Variants in PPM1F observed in about 807,000 individuals in gnomAD.
The protein encoded by PPM1F is protein phosphatase, Mg2+/Mn2+ dependent 1F, also known as protein phosphatase 1F.
In PPM1F, 17 loss-of-function variants were observed where a neutral mutation model predicts 35.5. The ratio of observed to expected loss-of-function variants is 0.48; its 90% CI spans 0.33 to 0.72. The LOEUF is 0.72. PPM1F is among the 30% of genes least tolerant of loss of function. The pLI is 0.02. For missense variants in PPM1F, 521 were observed against 613.0 expected (o/e 0.85, Z 1.59); for synonymous variants, 241 against 255.5 (o/e 0.94, Z 0.54).
intron 2 of PPM1F, chr22:21,943,798 C>A (rs1194149546): frequency 1.3e-5 from 2 of 152,330 alleles, no homozygotes; most frequent in Non-Finnish European, 2.9e-5. Flanking sequence ...GTCTTCAGCA[C>A]CTGTGCCCCA....
chr22:21,942,264 C>A, intron 2 of PPM1F: 1 of 151,204 alleles, frequency 6.6e-6, no homozygotes, highest in Non-Finnish European at 1.5e-5. Flanking sequence ...GGGATGGATT[C>A]CTGATTTTTT....
chr22:21,925,627 A>C lies in PPM1F; in HGVS notation c.927T>G (p.Phe309Leu). 6.2e-7 allele frequency: 1 copy of C among 1,604,680 alleles called. No individual in the cohort carries two copies. Among genetic ancestry groups the C allele is most frequent in the Non-Finnish European group, 8.5e-7 (1 of 1,173,366 alleles). The change falls in exon 7 of 8, where the codon TTT becomes TTG. Residue 309 changes from phenylalanine (F) to leucine (L), a missense_variant. Transcript: ENST00000263212. Reference protein sequence around the residue: ...EKARIEALGGFVSHMDCWRVN... With the variant: ...EKARIEALGGLVSHMDCWRVN... ...CTCTCCAGCAGTCCATGTGAGACAC[A>C]AAGCCACCCAATGCTTCAATGCGCG...
chr22:21,934,425 G>T, intron 3 of PPM1F, 199 bp from the exon 4 acceptor site: 1 of 566,410 alleles, frequency 1.8e-6, no homozygotes, highest in South Asian at 2.2e-5. Flanking sequence ...CTTGCCCCTT[G>T]AAGTCTCCCA....
intron 4 of PPM1F, 148 bp from the exon 5 acceptor site, chr22:21,933,727 A>G: frequency 1.3e-6 from 1 of 772,804 alleles, no homozygotes. Flanking sequence ...AGGTTTGGAA[A>G]AGGACAGCTC....
In PPM1F at chr22:21,921,670, G is replaced by A. The variant is rs1472405258; in HGVS notation, c.*1422C>T. ...GGTGAGGGGCTGTGGCCTGTGCCAT[G>A]GACTCCCAGCAGCATCCCTGCTGCC... is the stretch of plus-strand genomic sequence containing the variant. On this transcript the variant is annotated 3_prime_UTR_variant, in exon 8 of 8. Coordinates refer to ENST00000263212, the MANE Select transcript of PPM1F (RefSeq NM_014634.4). 6.6e-6 allele frequency: 1 copy of A among 152,316 alleles called. No homozygotes were observed. Among genetic ancestry groups the A allele is most frequent in the African/African-American group, 2.4e-5 (1 of 41,458 alleles). 9.4% of individuals were successfully genotyped at this position (152,316 alleles called of 1,614,324 possible). A position where few individuals can be genotyped will look rare whatever the true frequency, so the allele number is the denominator to read the frequency against.
At chr22:21,931,960 G>A (rs1049506920) in intron 5 of PPM1F, among the ~76,000 whole-genome samples, 23 of 152,124 alleles carry the variant, frequency 1.5e-4, no homozygotes, top group African/African-American at 4.6e-4. Flanking sequence ...CTATAGGCGC[G>A]TGCCACCATA....
Position 21,939,427 on chromosome 22 carries a change from C to G in PPM1F, c.355+105G>C. 6.9e-7 allele frequency: 1 copy of G among 1,456,032 alleles called. No homozygotes were observed. Among genetic ancestry groups the G allele is most frequent in the Non-Finnish European group, 9.4e-7 (1 of 1,069,194 alleles). 90.2% of individuals were successfully genotyped at this position (1,456,032 alleles called of 1,614,324 possible). A position where few individuals can be genotyped will look rare whatever the true frequency, so the allele number is the denominator to read the frequency against. ...ATTCTGCTGCCGTTGTGAGCGAGGG[C>G]CCCAGCACCCTTAGGGACCCCAATC... On this transcript the variant is annotated intron_variant, in intron 3 of 7. Transcript: ENST00000263212. The surrounding 1 kb of genome is among the most constrained non-coding windows in gnomAD (Gnocchi z 5.1).
At chr22:21,951,270 G>GC (rs1240912609) in intron 1 of PPM1F, 1 of 151,716 alleles carries the variant, frequency 6.6e-6, no homozygotes, top group Admixed American at 6.6e-5. Context: ...GGCTGAGGAA[G>GC]CTACACCACT....
In PPM1F at chr22:21,929,723, G is replaced by A. The variant is rs368876992; in HGVS notation, c.891+1425C>T. 1.4e-3 allele frequency among the ~76,000 whole-genome samples: 216 copies of A among 152,256 alleles called. 1 individual carries two copies. Among genetic ancestry groups the A allele is most frequent in the Non-Finnish European group, 1.6e-3 (111 of 68,014 alleles). ...GGCAGAGACTATCTGTGACTTTGGC[G>A]GTGTGCTCTGGGCAAGTGACTGAGC... On this transcript the variant is annotated intron_variant, in intron 6 of 7. Transcript: ENST00000263212.
intron 2 of PPM1F, 133 bp downstream of exon 2, chr22:21,945,710 G>A: frequency 2.3e-6 from 2 of 863,312 alleles, no homozygotes; most frequent in Admixed American, 5.6e-5. Flanking sequence ...AGTTCCACAT[G>A]GTGCTGCATA....
intron 2 of PPM1F, chr22:21,944,962 C>A (rs184870291): frequency 6.6e-6 from 1 of 152,290 alleles, no homozygotes; most frequent in Non-Finnish European, 1.5e-5. Flanking sequence ...TCTCTCAGAT[C>A]GTGGTGGCTG....
At chr22:21,932,199 G>A (rs1038626533) in intron 5 of PPM1F, among the ~76,000 whole-genome samples, 3 of 151,668 alleles carry the variant, frequency 2.0e-5, no homozygotes, top group African/African-American at 4.8e-5. Context: ...GTGATCCGCC[G>A]GCCTCTGCCT....
intron 3 of PPM1F, chr22:21,938,326 G>A: frequency 8.3e-7 from 1 of 1,211,080 alleles, no homozygotes; most frequent in Non-Finnish European, 1.1e-6. Context: ...CCACCGGCCG[G>A]AAGCCTGCTG....
At chr22:21,940,164 A>T (rs757189103) in intron 2 of PPM1F, among the ~76,000 whole-genome samples, 1 of 152,126 alleles carries the variant, frequency 6.6e-6, no homozygotes, top group Non-Finnish European at 1.5e-5. Context: ...TACTCCAATG[A>T]CTGATGTCTC....
At chr22:21,938,124 C>A in intron 3 of PPM1F, 1 of 1,300,206 alleles carries the variant, frequency 7.7e-7, no homozygotes, top group Non-Finnish European at 1.0e-6. Flanking sequence ...CTTCTAGCTG[C>A]GCCCTCCCTC....
Position 21,939,563 on chromosome 22 carries a change from G to GTCC in PPM1F, c.321_323dup (p.Glu107dup), listed in dbSNP as rs749703356. 25 of 1,581,820 alleles carry GTCC rather than the reference G, an allele frequency of 1.6e-5. No homozygotes were observed. The African/African-American group carries it at 2.8e-4, about 18-fold the overall frequency. On this transcript the variant is annotated inframe_insertion, in exon 3 of 8. Transcript: ENST00000263212. This position sits in a 1 kb window ranked among gnomAD's most constrained non-coding sequence, Gnocchi z 5.1. ...CAGGGGCCTTTTCCTCCTCGTCATCGTCCTCCTCCTCTTCTTCTTCCTCCC... is the reference window on the plus strand; with the variant it reads ...CAGGGGCCTTTTCCTCCTCGTCATCGTCCTCCTCCTCCTCTTCTTCTTCCTCCC...
chr22:21,948,601 C>T (rs1449980424), intron 1 of PPM1F: 1 of 152,318 alleles, frequency 6.6e-6, no homozygotes, highest in Non-Finnish European at 1.5e-5. Context: ...TGGGACTGCC[C>T]TGGCCCCTGG....
At chr22:21,931,105 G>A (rs1241147016) in intron 6 of PPM1F, 43 bp downstream of exon 6, 3 of 1,608,776 alleles carry the variant, frequency 1.9e-6, no homozygotes, top group Middle Eastern at 1.7e-4. Context: ...CAGCATGATG[G>A]AGGCCAGGAA....
rs866435339 is a variant in PPM1F, at chr22:21,919,707, C to G, written c.*3385G>C. Reference sequence around the variant, plus strand: ...ATGCACAGGACTCTGGGGGCTGCCCCCCTTGAGCTACAGAGGCAGAATCGA... The same window carrying G: ...ATGCACAGGACTCTGGGGGCTGCCCGCCTTGAGCTACAGAGGCAGAATCGA... On this transcript the variant is annotated 3_prime_UTR_variant, in exon 8 of 8. Transcript: ENST00000263212. 2.0e-5 allele frequency: 3 copies of G among 152,334 alleles called. No individual in the cohort carries two copies. The highest frequency in any genetic ancestry group is 1.9e-4 in the East Asian group (1 of 5,192). 9.4% of individuals were successfully genotyped at this position (152,334 alleles called of 1,614,324 possible).
Sources: gnomAD v4.1 joint callset for allele counts (sites outside exome capture counted in the v4.1 genomes callset) on GRCh38, gnomAD v4.1.1 for gene constraint, Gnocchi (gnomAD v3.1) non-coding constraint, MANE v1.5 for transcripts, NCBI Gene and HGNC (gene_info 2026-07-23, HGNC 2026-07-21) for gene names.